The following HS2ST1 variants were observed in gnomAD, a reference collection of about 807,000 sequenced individuals.
HS2ST1 encodes the protein heparan sulfate 2-O-sulfotransferase 1, also known as 2-O-sulfotransferase.
HS2ST1 carries 18 observed loss-of-function variants against 42.9 expected under a neutral mutation model. The observed-to-expected ratio is 0.42, with a 90% confidence interval of 0.29 to 0.62. The LOEUF (loss-of-function observed/expected upper bound fraction) is 0.62. Ranked by LOEUF, HS2ST1 falls within the 20% of genes least tolerant of loss-of-function variation. The pLI, the probability that HS2ST1 is intolerant of heterozygous loss-of-function variation, is 0.21. For synonymous variants in HS2ST1, 146 were observed against 152.9 expected (o/e 0.95, Z 0.33); for missense variants, 334 against 433.8 (o/e 0.77, Z 2.04).
At chr1:86,939,655 G>T (rs148213646) in intron 1 of HS2ST1, among the ~76,000 whole-genome samples, 6 of 152,172 alleles carry the variant, frequency 3.9e-5, no homozygotes, top group Admixed American at 3.9e-4. Context: ...TGTGGCCTGC[G>T]CCTCAGTTCC....
At chr1:86,999,459 T>C (rs1649212625) in intron 1 of HS2ST1, among the ~76,000 whole-genome samples, 1 of 152,222 alleles carries the variant, frequency 6.6e-6, no homozygotes, top group Non-Finnish European at 1.5e-5. Context: ...ATTACAGGCG[T>C]GAGCCACCAC....
chr1:86,963,858 ACGGGGTGGCTGGCCGGG>A (rs1647943491), intron 1 of HS2ST1, among the ~76,000 whole-genome samples: 2 of 134,864 alleles, frequency 1.5e-5, no homozygotes, highest in South Asian at 2.7e-4. Context: ...TCCCGCCCGG[ACGGGGTGGCTGGCCGGG>A]CGGGGCGGCT....
chr1:87,035,178 T>G (rs1650342322), intron 1 of HS2ST1, among the ~76,000 whole-genome samples: 1 of 152,164 alleles, frequency 6.6e-6, no homozygotes, highest in Non-Finnish European at 1.5e-5. Flanking sequence ...AGCTGACACC[T>G]TGATTTTAGG....
At chr1:86,988,681 C>T (rs975442384) in intron 1 of HS2ST1, among the ~76,000 whole-genome samples, 1 of 152,180 alleles carries the variant, frequency 6.6e-6, no homozygotes, top group Non-Finnish European at 1.5e-5. Flanking sequence ...TCACTTTAAT[C>T]GCTGTGATCA....
chr1:87,047,207 C>A (rs570169215), intron 1 of HS2ST1, among the ~76,000 whole-genome samples: 44 of 152,270 alleles, frequency 2.9e-4, no homozygotes, highest in Admixed American at 1.5e-3. Context: ...TCTCTAATGA[C>A]AAACGTCTTT....
chr1:87,091,990 GT>G (rs1364865186), intron 3 of HS2ST1, among the ~76,000 whole-genome samples: 3 of 151,992 alleles, frequency 2.0e-5, no homozygotes, highest in Non-Finnish European at 4.4e-5. Flanking sequence ...CATTGATGGT[GT>G]TCAAAAAACA....
chr1:87,063,583 C>T (rs1352704750), intron 1 of HS2ST1, among the ~76,000 whole-genome samples: 1 of 152,204 alleles, frequency 6.6e-6, no homozygotes, highest in Non-Finnish European at 1.5e-5. Context: ...GATCCACCCG[C>T]CTCGGCTTCC....
chr1:87,066,473 C>T (rs575924186), intron 1 of HS2ST1, among the ~76,000 whole-genome samples: 7 of 152,152 alleles, frequency 4.6e-5, no homozygotes, highest in Non-Finnish European at 1.0e-4. Flanking sequence ...GGATCTTGAA[C>T]AATGTGGGAG....
intron 1 of HS2ST1, among the ~76,000 whole-genome samples, chr1:87,035,538 T>C (rs906570844): frequency 3.3e-5 from 5 of 152,214 alleles, no homozygotes; most frequent in African/African-American, 1.2e-4. Flanking sequence ...ATTTTTAGTA[T>C]GCAGCCTCTT....
chr1:86,943,289 G>A (rs1647223572), intron 1 of HS2ST1, among the ~76,000 whole-genome samples: 4 of 152,076 alleles, frequency 2.6e-5, no homozygotes. Context: ...TCTTATTATG[G>A]AGAAAAACTT....
chr1:86,993,264 G>C (rs1038908843), intron 1 of HS2ST1: 33 of 1,069,160 alleles, frequency 3.1e-5, no homozygotes, highest in Non-Finnish European at 4.1e-5. Flanking sequence ...CTGATAATAG[G>C]ATTTGGCAGG....
chr1:86,951,256 T>A (rs1016786469), intron 1 of HS2ST1, among the ~76,000 whole-genome samples: 1 of 152,198 alleles, frequency 6.6e-6, no homozygotes, highest in Admixed American at 6.5e-5. Flanking sequence ...CAACTGTAGG[T>A]AGACTCAATT....
intron 4 of HS2ST1, among the ~76,000 whole-genome samples, chr1:87,096,419 C>T (rs1652068359): frequency 6.6e-6 from 1 of 152,174 alleles, no homozygotes; most frequent in African/African-American, 2.4e-5. Flanking sequence ...GCGTTAAAAA[C>T]TCATATACAT....
chr1:87,044,948 A>G, intron 1 of HS2ST1: 1 of 1,585,510 alleles, frequency 6.3e-7, no homozygotes, highest in South Asian at 1.1e-5. Flanking sequence ...ATGCTATGAC[A>G]TCATCCAGCT....
chr1:86,917,520 A>AG (rs538900969), intron 1 of HS2ST1, among the ~76,000 whole-genome samples: 110 of 150,726 alleles, frequency 7.3e-4, no homozygotes, highest in African/African-American at 2.5e-3. Flanking sequence ...CTCAGTCTCA[A>AG]AAAAAAAAAA....
intron 1 of HS2ST1, among the ~76,000 whole-genome samples, chr1:87,008,478 A>G (rs192901581): frequency 6.6e-6 from 1 of 152,366 alleles, no homozygotes; most frequent in East Asian, 1.9e-4. Context: ...TTACTGAGCA[A>G]CAATGACATG....
intron 1 of HS2ST1, among the ~76,000 whole-genome samples, chr1:86,993,981 C>T (rs773871184): frequency 3.9e-5 from 6 of 152,012 alleles, no homozygotes; most frequent in African/African-American, 9.7e-5. Flanking sequence ...AAAGTGTGCC[C>T]GTTTTGTTAA....
At chr1:87,031,293 ACTG>A (rs1346686682) in intron 1 of HS2ST1, among the ~76,000 whole-genome samples, 3 of 152,306 alleles carry the variant, frequency 2.0e-5, no homozygotes, top group Non-Finnish European at 2.9e-5. Flanking sequence ...CCGTGGAAAT[ACTG>A]CTGCTGCAGC....
intron 1 of HS2ST1, among the ~76,000 whole-genome samples, chr1:87,044,598 G>T (rs1438748821): frequency 6.6e-6 from 1 of 152,100 alleles, no homozygotes; most frequent in Non-Finnish European, 1.5e-5. Context: ...TTTATAACCA[G>T]GTATCAACTT....
Sources: allele counts gnomAD v4.1 joint callset (sites outside exome capture counted in the v4.1 genomes callset), GRCh38; gene constraint gnomAD v4.1.1; transcripts MANE v1.5; gene names NCBI Gene and HGNC (gene_info 2026-07-23, HGNC 2026-07-21).